WDFY4: variants seen among roughly 807,000 people sequenced by gnomAD.
WDFY4 encodes WDFY family member 4, also known as WD repeat- and FYVE domain-containing protein 4.
A neutral mutation model predicts 351.9 loss-of-function variants in WDFY4; 169 were observed. The observed-to-expected ratio is 0.48, with a 90% CI of 0.42 to 0.55. The LOEUF (loss-of-function observed/expected upper bound fraction) is 0.55, where lower values mean the gene tolerates loss of function less well. Ranked by LOEUF, WDFY4 falls within the 20% of genes least tolerant of loss-of-function variation. The probability of loss-of-function intolerance (pLI) is 0.00; values close to 1 mark genes in which losing one functional copy is unlikely to be tolerated. For missense variants in WDFY4, 3,803 were observed against 3,935.6 expected (o/e 0.97, Z 0.90); for synonymous variants, 1,622 against 1,574.6 (o/e 1.03, Z -0.71).
intron 60 of WDFY4, 25 bp downstream of exon 60, chr10:48,978,418 C>G (rs1310032432): frequency 6.5e-7 from 1 of 1,538,508 alleles, no homozygotes; most frequent in Non-Finnish European, 8.8e-7. Flanking sequence ...AGGGATGTGG[C>G]CGTCCTGGCC....
At chr10:48,886,688 C>G (rs1280496204) in intron 43 of WDFY4, among the ~76,000 whole-genome samples, 1 of 152,180 alleles carries the variant, frequency 6.6e-6, no homozygotes, top group African/African-American at 2.4e-5. Context: ...ATTACCCAGT[C>G]TGGGGTATTC....
chr10:48,951,708 G>T (rs1415448187), intron 51 of WDFY4, among the ~76,000 whole-genome samples: 2 of 152,208 alleles, frequency 1.3e-5, no homozygotes, highest in Non-Finnish European at 1.5e-5. Context: ...TAGGAGTCTT[G>T]CCTGCCTAGA....
chr10:48,944,084 T>A (rs1840922913), intron 49 of WDFY4, among the ~76,000 whole-genome samples: 1 of 152,178 alleles, frequency 6.6e-6, no homozygotes. Context: ...TCAGCCCTTG[T>A]GGGGTGAGGC....
At chr10:48,685,198 C>A (rs1446698155) in intron 1 of WDFY4, among the ~76,000 whole-genome samples, 197 bp downstream of exon 1, 1 of 152,192 alleles carries the variant, frequency 6.6e-6, no homozygotes, top group Non-Finnish European at 1.5e-5. Flanking sequence ...CGTGGGGGGC[C>A]CATGTGGTCA....
intron 9 of WDFY4, among the ~76,000 whole-genome samples, chr10:48,733,724 C>T (rs545099495): frequency 1.2e-4 from 19 of 152,274 alleles, no homozygotes; most frequent in African/African-American, 4.3e-4. Flanking sequence ...ACAAAATAAG[C>T]CCTGCAGGGA....
At chr10:48,765,864 G>A (rs1399298014) in intron 13 of WDFY4, among the ~76,000 whole-genome samples, 1 of 152,222 alleles carries the variant, frequency 6.6e-6, no homozygotes, top group Non-Finnish European at 1.5e-5. Context: ...TGAAGACACT[G>A]CTGCCATGGA....
chr10:48,687,611 C>CTT lies in WDFY4; in HGVS notation c.-18+2630_-18+2631dup, dbSNP rs57413418. 5.6e-3 allele frequency among the ~76,000 whole-genome samples: 564 copies of CTT among 101,254 alleles called. 20 individuals carry two copies. Among genetic ancestry groups the CTT allele is most frequent in the South Asian group, 0.012 (35 of 2,916 alleles). The allele number at this position is 101,254 out of a possible 152,430, so 66.4% of individuals were successfully genotyped here. A position where few individuals can be genotyped will look rare whatever the true frequency, so the allele number is the denominator to read the frequency against. On this transcript the variant is annotated intron_variant, in intron 1 of 61. Transcript: ENST00000325239. ...GGCACCATTTATTTAATAGGCCATT[C>CTT]TTTTTTTTTTTTTTTTTTTTTGAGA...
chr10:48,876,930 G>A (rs2133303110), intron 42 of WDFY4, 103 bp from the exon 43 acceptor site: 2 of 1,231,664 alleles, frequency 1.6e-6, no homozygotes, highest in East Asian at 5.7e-5. Flanking sequence ...CTTCGGCCCT[G>A]GAGCCTTGCT....
chr10:48,861,172 G>T (rs1333326039), intron 39 of WDFY4, among the ~76,000 whole-genome samples: 1 of 152,138 alleles, frequency 6.6e-6, no homozygotes, highest in African/African-American at 2.4e-5. Flanking sequence ...AAATCACACA[G>T]TGTTATAAAA....
At chr10:48,845,156 A>T (rs556671531) in intron 39 of WDFY4, among the ~76,000 whole-genome samples, 198 of 152,322 alleles carry the variant, frequency 1.3e-3, no homozygotes, top group Middle Eastern at 0.01. Context: ...AGTGGCTCAG[A>T]GGAGGTGGCA....
At chr10:48,787,100 G>A (rs1167473901) in intron 20 of WDFY4, among the ~76,000 whole-genome samples, 1 of 152,200 alleles carries the variant, frequency 6.6e-6, no homozygotes, top group Non-Finnish European at 1.5e-5. Context: ...GAAGAGGTGG[G>A]TTGGGCAATA....
At chr10:48,962,857 C>T (rs764577139) in intron 53 of WDFY4, among the ~76,000 whole-genome samples, 24 of 152,192 alleles carry the variant, frequency 1.6e-4, no homozygotes, top group Admixed American at 7.2e-4. Flanking sequence ...TCTGTGAGTG[C>T]GTGGGTGAGA....
chr10:48,887,222 G>A (rs886784638), intron 43 of WDFY4, among the ~76,000 whole-genome samples: 4 of 152,172 alleles, frequency 2.6e-5, no homozygotes, highest in Non-Finnish European at 5.9e-5. Flanking sequence ...GGTGTCACAG[G>A]GAGGAGAGAG....
At chr10:48,978,102 A>C (rs1001327119) in intron 59 of WDFY4, among the ~76,000 whole-genome samples, 1 of 152,190 alleles carries the variant, frequency 6.6e-6, no homozygotes, top group African/African-American at 2.4e-5. Flanking sequence ...TTCAAGGTGC[A>C]ACTGTGATTG....
chr10:48,857,710 A>G (rs369212574), intron 39 of WDFY4, among the ~76,000 whole-genome samples: 35 of 152,148 alleles, frequency 2.3e-4, no homozygotes, highest in African/African-American at 8.2e-4. Context: ...AAAGTGTACT[A>G]AGGTCTTTAT....
At chr10:48,787,332 A>G (rs970558765) in intron 20 of WDFY4, among the ~76,000 whole-genome samples, 2 of 152,246 alleles carry the variant, frequency 1.3e-5, no homozygotes, top group African/African-American at 4.8e-5. Context: ...ATGATAAATG[A>G]ATCTATGTCA....
At chr10:48,939,260 T>A (rs1006746898) in intron 47 of WDFY4, among the ~76,000 whole-genome samples, 1 of 152,214 alleles carries the variant, frequency 6.6e-6, no homozygotes, top group Non-Finnish European at 1.5e-5. Flanking sequence ...TCCTGAACAA[T>A]GTCAACATCG....
At chr10:48,748,291 T>C (rs755821633) in intron 12 of WDFY4, among the ~76,000 whole-genome samples, 3 of 152,214 alleles carry the variant, frequency 2.0e-5, no homozygotes, top group Non-Finnish European at 4.4e-5. Context: ...CATCTATTTA[T>C]TTTTATTTCC....
At chr10:48,721,963 T>A (rs2064103872) in intron 4 of WDFY4, among the ~76,000 whole-genome samples, 1 of 152,174 alleles carries the variant, frequency 6.6e-6, no homozygotes, top group Non-Finnish European at 1.5e-5. Context: ...CTTTCTTCCC[T>A]TCCCACCCAT....
Sources: allele counts gnomAD v4.1 joint callset (sites outside exome capture counted in the v4.1 genomes callset), GRCh38; gene constraint gnomAD v4.1.1; transcripts MANE v1.5; gene names NCBI Gene and HGNC (gene_info 2026-07-23, HGNC 2026-07-21).